Variants in FHL1 observed in about 807,000 individuals in gnomAD.
The protein encoded by FHL1 is four and a half LIM domains 1, also known as four and a half LIM domains protein 1.
Under a neutral mutation model 20.3 loss-of-function variants are expected in FHL1, and 1 was observed. The observed-to-expected ratio is 0.05, with a 90% CI of 0.02 to 0.23. FHL1 has a LOEUF of 0.23. Ranked by LOEUF, FHL1 falls within the 10% of genes least tolerant of loss-of-function variation. The pLI is 1.00. For synonymous variants in FHL1, 82 were observed against 88.9 expected, an observed-to-expected ratio of 0.92 and a Z score of 0.44; for missense variants, 177 against 234.0, an observed-to-expected ratio of 0.76 and a Z score of 1.59.
intron 1 of FHL1, among the ~76,000 whole-genome samples, chrX:136,162,049 G>GGATATGGAGGTGGCAGTGA (rs1484723227): frequency 9.7e-6 from 1 of 102,720 alleles, no homozygotes; most frequent in African/African-American, 3.5e-5. Context: ...CTTGAACCTG[G>GGATATGGAGGTGGCAGTGA]GATATGGAGG....
At chrX:136,207,536 G>C (rs970382816) in intron 3 of FHL1, 2 of 426,854 alleles carry the variant, frequency 4.7e-6, no homozygotes, top group Non-Finnish European at 8.2e-6. Flanking sequence ...CTAAGTGCAC[G>C]CAGGGTATAG....
At chrX:136,191,343 A>G (rs980010121) in intron 2 of FHL1, among the ~76,000 whole-genome samples, 2 of 112,234 alleles carry the variant, frequency 1.8e-5, no homozygotes, top group African/African-American at 6.5e-5. Context: ...GAGCCAAGTG[A>G]GCTTTCACTT....
intron 1 of FHL1, among the ~76,000 whole-genome samples, chrX:136,199,284 C>T (rs1432835217): frequency 9.0e-6 from 1 of 110,849 alleles, no homozygotes; most frequent in Admixed American, 9.6e-5. Flanking sequence ...TCCTGACACC[C>T]GATATAATCT....
At chrX:136,159,934 T>C (rs2072521313) in intron 1 of FHL1, among the ~76,000 whole-genome samples, 3 of 112,455 alleles carry the variant, frequency 2.7e-5, no homozygotes, top group African/African-American at 9.7e-5. Context: ...CAGAGTTTGA[T>C]TGCTTTGGGC....
chrX:136,163,898 A>G (rs2072641848), intron 1 of FHL1, among the ~76,000 whole-genome samples: 1 of 112,140 alleles, frequency 8.9e-6, no homozygotes, highest in South Asian at 3.7e-4. Context: ...GAATGCTTGG[A>G]GTTGTGGGAA....
Position 136,209,339 on chromosome X carries a change from G to C in FHL1, c.737-532G>C, listed in dbSNP as rs1264562853. On this transcript the variant is annotated intron_variant, in intron 5 of 5. Transcript: ENST00000370683. ...CGCTTGCCTCTCACCCTGTTTCCCA[G>C]CGCCAACCTCCGGGGCAGGCATCCG... 7.4e-6 allele frequency: 9 copies of C among 1,211,328 alleles called. No individual in the cohort carries two copies. Among genetic ancestry groups the C allele is most frequent in the Non-Finnish European group, 1.0e-5 (9 of 895,320 alleles).
chrX:136,148,730 T>C (rs1015645998), intron 1 of FHL1: 1 of 111,775 alleles, frequency 8.9e-6, no homozygotes, highest in Non-Finnish European at 1.9e-5. Flanking sequence ...AATGTGCGAG[T>C]TTCTCAGGTT....
At position 136,173,859 on chromosome X, in the gene FHL1, G is replaced by A. The variant is rs751114105; in HGVS notation, c.-27+3879G>A. On this transcript the variant is annotated intron_variant, in intron 2 of 6. Transcript: ENST00000394153. ...GACTATAGGTGCCCGCACCACGCCC[G>A]GCTAATTTTTTGTATTTTTTAGTAG... Among the ~76,000 whole-genome samples the A allele has an allele frequency of 2.7e-4, 30 of 110,476 alleles. No homozygotes were observed. In the East Asian group the frequency reaches 7.2e-3, roughly 26 times the overall value.
intron 2 of FHL1, among the ~76,000 whole-genome samples, chrX:136,180,726 C>CTTTAT (rs1223504274): frequency 3.6e-5 from 4 of 111,967 alleles, no homozygotes; most frequent in Admixed American, 9.5e-5. Context: ...TACTGATTGA[C>CTTTAT]TTTATTTTAT....
chrX:136,166,413 T>A (rs762268020), upstream of FHL1, among the ~76,000 whole-genome samples: 1 of 111,580 alleles, frequency 9.0e-6, no homozygotes, highest in Admixed American at 9.5e-5. Flanking sequence ...TCAGAGAACA[T>A]GAAATGCAAG....
intron 1 of FHL1, among the ~76,000 whole-genome samples, chrX:136,200,778 G>C (rs2073688091): frequency 8.9e-6 from 1 of 112,183 alleles, no homozygotes; most frequent in Non-Finnish European, 1.9e-5. Context: ...TGGGTCTGTA[G>C]CAACCTCATT....
chrX:136,208,748 C>G, intron 5 of FHL1, 107 bp downstream of exon 5: 1 of 764,234 alleles, frequency 1.3e-6, no homozygotes, highest in Non-Finnish European at 2.0e-6. Flanking sequence ...CCAGAGAATG[C>G]CCTTCTCCCC....
intron 1 of FHL1, among the ~76,000 whole-genome samples, chrX:136,160,382 T>C (rs966677018): frequency 1.8e-5 from 2 of 112,167 alleles, no homozygotes; most frequent in Middle Eastern, 4.6e-3. Context: ...AAAATACCAA[T>C]AAAGGGAAGA....
intron 5 of FHL1, among the ~76,000 whole-genome samples, chrX:136,209,011 CGGGATTGTAATACCCCATAGCTGAA>C (rs1569530667): frequency 9.2e-6 from 1 of 108,669 alleles, no homozygotes; most frequent in African/African-American, 3.4e-5. Flanking sequence ...AGTGATAACC[CGGGATTGTAATACCCCATAGCTGAA>C]GGCTAGTTCA....
chrX:136,151,612 C>T, intron 1 of FHL1, among the ~76,000 whole-genome samples: 1 of 112,070 alleles, frequency 8.9e-6, no homozygotes, highest in Non-Finnish European at 1.9e-5. Context: ...ACTTGGGAGG[C>T]TGAGGCACGA....
At chrX:136,166,868 A>G (rs2072724687), upstream of FHL1, 1 of 112,677 alleles carries the variant, frequency 8.9e-6, no homozygotes, top group South Asian at 3.7e-4. Context: ...TTAACATTCA[A>G]TGCGTACCTT....
At chrX:136,150,207 G>C (rs1346371666) in intron 1 of FHL1, among the ~76,000 whole-genome samples, 8 of 112,214 alleles carry the variant, frequency 7.1e-5, no homozygotes, top group Non-Finnish European at 1.3e-4. Context: ...ATACGCATTT[G>C]AAAATTTGTA....
intron 5 of FHL1, chrX:136,209,483 G>A (rs1337915033): frequency 8.5e-7 from 1 of 1,174,699 alleles, no homozygotes; most frequent in African/African-American, 1.8e-5. Context: ...TTGCCTCCTG[G>A]TGGCCACTTT....
intron 1 of FHL1, among the ~76,000 whole-genome samples, chrX:136,202,793 C>A (rs2073748311): frequency 8.9e-6 from 1 of 112,288 alleles, no homozygotes; most frequent in Non-Finnish European, 1.9e-5. Flanking sequence ...GCTTTTCTCT[C>A]CTCATGAAGT....
Sources: gnomAD v4.1 joint callset for allele counts (sites outside exome capture counted in the v4.1 genomes callset) on GRCh38, gnomAD v4.1.1 for gene constraint, MANE v1.5 for transcripts, NCBI Gene and HGNC (gene_info 2026-07-23, HGNC 2026-07-21) for gene names.